Variants in CDCP1 observed in about 807,000 individuals in gnomAD.
CDCP1 encodes CUB domain-containing protein 1.
CDCP1 carries 29 observed loss-of-function variants against 60.2 expected under a neutral mutation model. The ratio of observed to expected loss-of-function variants is 0.48; its 90% confidence interval spans 0.36 to 0.66. CDCP1 has a LOEUF of 0.66. Ranked by LOEUF, CDCP1 falls within the 30% of genes least tolerant of loss-of-function variation. The pLI is 0.00. For missense variants in CDCP1, 876 were observed against 1,074.3 expected, an observed-to-expected ratio of 0.82 and a Z score of 2.58; for synonymous variants, 387 against 431.1, an observed-to-expected ratio of 0.90 and a Z score of 1.27.
chr3:45,134,542 C>T (rs150734962), intron 1 of CDCP1, among the ~76,000 whole-genome samples: 2 of 152,162 alleles, frequency 1.3e-5, no homozygotes, highest in East Asian at 3.9e-4. Flanking sequence ...GAAATACATC[C>T]CTCAGTTTAA....
rs1361079887 is a variant in CDCP1 at position 45,085,210 on chromosome 3, A to G, written c.*428T>C. 1.9e-5 allele frequency: 3 copies of G among 160,894 alleles called. No homozygotes were observed. Among genetic ancestry groups the G allele is most frequent in the Admixed American group, 1.8e-4 (3 of 16,632 alleles). The allele number at this position is 160,894 out of a possible 1,614,324, so 10.0% of individuals were successfully genotyped here. A position where few individuals can be genotyped will look rare whatever the true frequency, so the allele number is the denominator to read the frequency against. ...GGACCACCAAATAAATAATAATAAA[A>G]AGGCACATTGTCGTTTTCATCCTGG... On this transcript the variant is annotated 3_prime_UTR_variant, in exon 9 of 9. Transcript: ENST00000296129. The surrounding 1 kb of genome is among the most constrained non-coding windows in gnomAD (Gnocchi z 4.2).
Position 45,112,088 on chromosome 3 carries a change from A to G in CDCP1, c.650T>C (p.Ile217Thr). Residue 217 changes from isoleucine to threonine, a missense_variant, in exon 3 of 9, where the codon ATA (isoleucine) becomes ACA (threonine). Transcript: ENST00000296129. ...GCAGGGAGGGGCTTTCTCACGTTTT[A>G]TAGATGAGCGGTTTGCAATGCTGAA... The part of the protein sequence containing the change: ...SGFSIANRSS[I>T]KRLCIIESVF... 1 of 1,612,396 alleles carries G rather than the reference A, an allele frequency of 6.2e-7. No individual in the cohort carries two copies. Among genetic ancestry groups the G allele is most frequent in the East Asian group, 2.2e-5 (1 of 44,800 alleles).
rs1698284187 is a variant in CDCP1, at chr3:45,091,094, T to C, written c.1993+79A>G. The C allele has an allele frequency of 6.7e-7, 1 of 1,484,502 alleles. No individual in the cohort carries two copies. The highest frequency in any genetic ancestry group is 9.1e-7 in the Non-Finnish European group (1 of 1,100,352). The allele number at this position is 1,484,502 out of a possible 1,614,324, so 92.0% of individuals were successfully genotyped here. On this transcript the variant is annotated intron_variant, in intron 7 of 8. Coordinates refer to ENST00000296129, the MANE Select transcript of CDCP1 (RefSeq NM_022842.5). The surrounding 1 kb of genome is among the most constrained non-coding windows in gnomAD (Gnocchi z 4.8). ...CAGGACTCAATCTGTGATTCTGACT[T>C]GTCTCCAGGCTTGCTCTCTATCCTC...
chr3:45,109,624 C>T (rs559772176), intron 4 of CDCP1, among the ~76,000 whole-genome samples: 3 of 151,958 alleles, frequency 2.0e-5, no homozygotes, highest in Admixed American at 6.6e-5. Context: ...AAAATCTGCA[C>T]GACACCCCTC....
At chr3:45,108,681 C>A (rs7645697) in intron 4 of CDCP1, among the ~76,000 whole-genome samples, 6 of 138,728 alleles carry the variant, frequency 4.3e-5, no homozygotes, top group Admixed American at 7.4e-5. Flanking sequence ...CACACACACA[C>A]TATATATATA....
chr3:45,138,296 T>C (rs1179194493), intron 1 of CDCP1, among the ~76,000 whole-genome samples: 1 of 152,212 alleles, frequency 6.6e-6, no homozygotes, highest in Non-Finnish European at 1.5e-5. Flanking sequence ...CAGATATCCT[T>C]ACACGTCCCC....
intron 4 of CDCP1, among the ~76,000 whole-genome samples, chr3:45,098,736 C>G (rs1698443271): frequency 6.6e-6 from 1 of 152,104 alleles, no homozygotes; most frequent in African/African-American, 2.4e-5. Flanking sequence ...GTAATCGTGA[C>G]TATGTAATAA....
chr3:45,117,982 T>C (rs1039324756), intron 2 of CDCP1, among the ~76,000 whole-genome samples: 1 of 152,174 alleles, frequency 6.6e-6, no homozygotes, highest in African/African-American at 2.4e-5. Context: ...CTTCTGATTC[T>C]TTTGTCTTCC....
At chr3:45,108,628 A>T (rs929586479) in intron 4 of CDCP1, among the ~76,000 whole-genome samples, 2 of 151,144 alleles carry the variant, frequency 1.3e-5, no homozygotes, top group Non-Finnish European at 2.9e-5. Context: ...CTGATTGTAC[A>T]GTTGTGACAG....
chr3:45,140,111 C>A (rs539915150), intron 1 of CDCP1, among the ~76,000 whole-genome samples: 4 of 152,366 alleles, frequency 2.6e-5, no homozygotes, highest in Non-Finnish European at 4.4e-5. Context: ...CAGCTCCCAG[C>A]TGGACCACAC....
intron 4 of CDCP1, among the ~76,000 whole-genome samples, chr3:45,095,975 A>G (rs577752455): frequency 6.6e-6 from 1 of 152,368 alleles, no homozygotes; most frequent in South Asian, 2.1e-4. Flanking sequence ...TAAAATATAG[A>G]AAGTTCTTAA....
At chr3:45,121,845 A>G (rs1576108257) in intron 1 of CDCP1, among the ~76,000 whole-genome samples, 1 of 152,198 alleles carries the variant, frequency 6.6e-6, no homozygotes, top group Non-Finnish European at 1.5e-5. Context: ...TACCTTAATA[A>G]AAAGAAAAAG....
At chr3:45,134,667 A>G (rs56284937) in intron 1 of CDCP1, among the ~76,000 whole-genome samples, 51,922 of 152,142 alleles carry the variant, frequency 0.34, 9,938 homozygotes, top group East Asian at 0.55. Context: ...GATGGCAAAC[A>G]GGTTTCTGAA....
intron 2 of CDCP1, among the ~76,000 whole-genome samples, chr3:45,113,646 C>A (rs1175542161): frequency 1.3e-5 from 2 of 152,154 alleles, no homozygotes; most frequent in East Asian, 3.9e-4. Context: ...TGCAAAGCAG[C>A]TGTGGATCCA....
At chr3:45,128,342 T>C (rs142835932) in intron 1 of CDCP1, among the ~76,000 whole-genome samples, 3 of 152,314 alleles carry the variant, frequency 2.0e-5, no homozygotes, top group African/African-American at 7.2e-5. Context: ...TCTCTCAAGA[T>C]CATTTTGCCA....
Position 45,091,374 on chromosome 3 carries a change from C to G in CDCP1, c.1792G>C (p.Val598Leu). 6.2e-7 allele frequency: 1 copy of G among 1,614,166 alleles called. No individual in the cohort carries two copies. Among genetic ancestry groups the G allele is most frequent in the South Asian group, 1.1e-5 (1 of 91,076 alleles). ...ATGAATGCGCGCCCTGTCTGGCAGA[C>G]CACGCCGCTCCGCTCCTTAAAGAAA... ...LTFFKERSGV[V>L]CQTGRAFMII... The change falls in exon 7 of 9, where the codon GTC (valine) becomes CTC (leucine). Residue 598 changes from valine (V) to leucine (L), a missense_variant. Physicochemically the swap from Val to Leu is conservative, Grantham distance 32 (BLOSUM62 1). Coordinates refer to ENST00000296129, the MANE Select transcript of CDCP1 (RefSeq NM_022842.5). This position sits in a 1 kb window ranked among gnomAD's most constrained non-coding sequence, Gnocchi z 4.8.
intron 1 of CDCP1, 82 bp downstream of exon 1, chr3:45,146,124 C>T (rs1699383541): frequency 3.3e-5 from 43 of 1,298,332 alleles, no homozygotes; most frequent in Middle Eastern, 3.9e-4. Context: ...ACCCTGCGTC[C>T]CTCGGCCGCA....
Position 45,146,335 on chromosome 3 carries a change from G to C in CDCP1, c.-48C>G. 6.8e-7 allele frequency: 1 copy of C among 1,476,470 alleles called. No homozygotes were observed. The highest frequency in any genetic ancestry group is 9.1e-7 in the Non-Finnish European group (1 of 1,103,914). 91.5% of individuals were successfully genotyped at this position (1,476,470 alleles called of 1,614,324 possible). On this transcript the variant is annotated 5_prime_UTR_variant, in exon 1 of 9. Coordinates refer to ENST00000296129, the MANE Select transcript of CDCP1 (RefSeq NM_022842.5). ...GGTGGGGAAAACGACGGTGGGGAGC[G>C]GCGGCCCCAGGCGCCCAAGCCCGGC...
At chr3:45,108,404 A>G (rs1314701769) in intron 4 of CDCP1, among the ~76,000 whole-genome samples, 1 of 152,214 alleles carries the variant, frequency 6.6e-6, no homozygotes, top group African/African-American at 2.4e-5. Flanking sequence ...CTTTAATCTC[A>G]GCACTAAATC....
Sources: allele counts gnomAD v4.1 joint callset (sites outside exome capture counted in the v4.1 genomes callset), GRCh38; gene constraint gnomAD v4.1.1; non-coding constraint Gnocchi (gnomAD v3.1); transcripts MANE v1.5; gene names NCBI Gene and HGNC (gene_info 2026-07-23, HGNC 2026-07-21).